Variants in CCNI observed in about 807,000 individuals in gnomAD.
CCNI encodes the protein cyclin I, also known as cyclin-I.
A neutral mutation model predicts 34.1 loss-of-function variants in CCNI; 14 were observed. That is an observed-to-expected ratio of 0.41 (90% CI 0.27 to 0.64). The LOEUF (loss-of-function observed/expected upper bound fraction) is 0.64. Among genes scored for constraint, CCNI ranks in the 30% least tolerant of loss-of-function variants. The probability of loss-of-function intolerance (pLI) is 0.31; values close to 1 mark genes in which losing one functional copy is unlikely to be tolerated. For synonymous variants in CCNI, 154 were observed against 158.4 expected, an observed-to-expected ratio of 0.97 and a Z score of 0.21; for missense variants, 385 against 440.5, an observed-to-expected ratio of 0.87 and a Z score of 1.13.
At chr4:77,058,229 T>G (rs796350230) in intron 3 of CCNI, among the ~76,000 whole-genome samples, 70 of 152,238 alleles carry the variant, frequency 4.6e-4, no homozygotes, top group African/African-American at 1.7e-3. Context: ...GTGGCACGTG[T>G]CTGCAGTCCC....
chr4:77,071,241 A>G (rs1021410375), intron 1 of CCNI, among the ~76,000 whole-genome samples: 3 of 152,366 alleles, frequency 2.0e-5, no homozygotes, highest in South Asian at 4.1e-4. Context: ...ATATTGTAAT[A>G]ACTTTTTTTA....
chr4:77,051,476 G>A (rs1727830382), intron 6 of CCNI, among the ~76,000 whole-genome samples: 1 of 150,814 alleles, frequency 6.6e-6, no homozygotes, highest in African/African-American at 2.5e-5. Context: ...TTAGCGGTGG[G>A]AGACTGACAA....
intron 1 of CCNI, among the ~76,000 whole-genome samples, chr4:77,067,176 G>A (rs1729094541): frequency 1.3e-5 from 2 of 151,858 alleles, no homozygotes; most frequent in African/African-American, 4.8e-5. Context: ...AGGTTGCAGT[G>A]AGCTGAGATC....
intron 2 of CCNI, among the ~76,000 whole-genome samples, chr4:77,062,049 G>C (rs1728643799): frequency 1.3e-5 from 2 of 152,068 alleles, no homozygotes; most frequent in African/African-American, 4.8e-5. Context: ...TTCTACTGAT[G>C]ATCCTTCCTT....
chr4:77,057,171 TCTC>T (rs1728301460), intron 3 of CCNI, among the ~76,000 whole-genome samples: 1 of 141,214 alleles, frequency 7.1e-6, no homozygotes, highest in Non-Finnish European at 1.6e-5. Context: ...CCTCCCTCCC[TCTC>T]TACTACATCT....
chr4:77,069,439 ATAT>A (rs1363744892), intron 1 of CCNI, among the ~76,000 whole-genome samples: 2 of 143,270 alleles, frequency 1.4e-5, no homozygotes, highest in South Asian at 2.2e-4. Flanking sequence ...TTATATATAT[ATAT>A]TTTTTTTATT....
chr4:77,050,090 C>T (rs1164839793), intron 6 of CCNI, among the ~76,000 whole-genome samples: 2 of 152,154 alleles, frequency 1.3e-5, no homozygotes, highest in South Asian at 2.1e-4. Context: ...TTGTGGTCTA[C>T]ACTCTTGCTC....
intron 1 of CCNI, among the ~76,000 whole-genome samples, chr4:77,067,284 T>G (rs1412981722): frequency 6.6e-6 from 1 of 152,098 alleles, no homozygotes; most frequent in Non-Finnish European, 1.5e-5. Context: ...ACAATAGCCT[T>G]ACTTCAATAA....
chr4:77,072,328 G>A (rs752040995), intron 1 of CCNI, among the ~76,000 whole-genome samples: 1 of 151,318 alleles, frequency 6.6e-6, no homozygotes, highest in South Asian at 2.1e-4. Context: ...TTTAAAAACA[G>A]GACAGAAGGC....
At chr4:77,057,027 G>T (rs4252883) in intron 3 of CCNI, among the ~76,000 whole-genome samples, 1 of 152,126 alleles carries the variant, frequency 6.6e-6, no homozygotes, top group Admixed American at 6.5e-5. Context: ...GCTTGATTTA[G>T]AAGTTTTTAA....
chr4:77,075,642 G>GGGGCGC lies in CCNI; in HGVS notation c.-220_-215dup, dbSNP rs147494324. On this transcript the variant is annotated 5_prime_UTR_variant, in exon 1 of 7. Transcript: ENST00000237654. ...GAGGGAGAAAGGGGAAGCGGATCGG[G>GGGGCGC]GGGCGCGGGCGCGGGCGCTGGCGCT... is the stretch of plus-strand genomic sequence containing the variant. The GGGGCGC allele has an allele frequency of 0.018, 15,523 of 874,340 alleles. 241 individuals are homozygous for GGGGCGC. The highest frequency in any genetic ancestry group is 0.026 in the African/African-American group (1,421 of 54,256). 54.2% of individuals were successfully genotyped at this position (874,340 alleles called of 1,614,324 possible). A position where few individuals can be genotyped will look rare whatever the true frequency, so the allele number is the denominator to read the frequency against.
At chr4:77,067,464 T>TA (rs1305078939) in intron 1 of CCNI, among the ~76,000 whole-genome samples, 1 of 151,994 alleles carries the variant, frequency 6.6e-6, no homozygotes, top group African/African-American at 2.4e-5. Flanking sequence ...CAAGACAACA[T>TA]AGAGTCCAAG....
chr4:77,075,384 G>GGCGGCGCGGGGGGAGCAGCGGGGCC (rs1729836727), intron 1 of CCNI, 88 bp downstream of exon 1: 1 of 423,610 alleles, frequency 2.4e-6, no homozygotes, highest in South Asian at 9.7e-5. Context: ...CTGCCACGGG[G>GGCGGCGCGGGGGGAGCAGCGGGGCC]GCGGCGCGGG....
rs138207108 is a variant in CCNI, at chr4:77,047,408, A to G, written c.*811T>C. The stretch of plus-strand genomic sequence containing the variant: ...CCCCAACATCTAGACAGTCTCTCCT[A>G]CTGATTATAAATGAGTGAAAACTAT... On this transcript the variant is annotated 3_prime_UTR_variant, in exon 7 of 7. Coordinates refer to ENST00000237654, the MANE Select transcript of CCNI (RefSeq NM_006835.3). The G allele has an allele frequency of 6.6e-6, 1 of 152,326 alleles. No individual in the cohort carries two copies. The highest frequency in any genetic ancestry group is 1.9e-4 in the East Asian group (1 of 5,178). 9.4% of individuals were successfully genotyped at this position (152,326 alleles called of 1,614,324 possible). A position where few individuals can be genotyped will look rare whatever the true frequency, so the allele number is the denominator to read the frequency against.
intron 6 of CCNI, among the ~76,000 whole-genome samples, chr4:77,053,149 T>A (rs987066425): frequency 1.3e-5 from 2 of 152,312 alleles, no homozygotes; most frequent in Middle Eastern, 3.4e-3. Flanking sequence ...TATAGCTCCG[T>A]TCTTCTATTC....
chr4:77,065,945 C>CA (rs1197755817), intron 2 of CCNI, among the ~76,000 whole-genome samples: 1 of 152,204 alleles, frequency 6.6e-6, no homozygotes, highest in Admixed American at 6.5e-5. Context: ...ACCAAAAATA[C>CA]AAAAAATTAG....
chr4:77,073,244 C>T (rs4252786), intron 1 of CCNI, among the ~76,000 whole-genome samples: 86,623 of 151,952 alleles, frequency 0.57, 26,636 homozygotes, highest in African/African-American at 0.8. Context: ...CAATTGCTGC[C>T]GCTTCTCCTT....
In CCNI at chr4:77,048,671, G is replaced by T; in HGVS notation, c.691-9C>A. 6.7e-7 allele frequency: 1 copy of T among 1,489,654 alleles called. No homozygotes were observed. Among genetic ancestry groups the T allele is most frequent in the South Asian group, 1.4e-5 (1 of 70,432 alleles). The allele number at this position is 1,489,654 out of a possible 1,614,324, so 92.3% of individuals were successfully genotyped here. A position where few individuals can be genotyped will look rare whatever the true frequency, so the allele number is the denominator to read the frequency against. On this transcript the variant is annotated splice_polypyrimidine_tract_variant and intron_variant, in intron 6 of 6. Transcript: ENST00000237654. ...AACTGGGAGCTATCCATCTGGGCCA[G>T]GAAAAAAAAAAAGCCACACACAGTT...
At chr4:77,055,885 G>A in intron 5 of CCNI, 77 bp downstream of exon 5, 1 of 1,197,174 alleles carries the variant, frequency 8.4e-7, no homozygotes, top group Middle Eastern at 2.9e-4. Flanking sequence ...CAAAATAAAT[G>A]AGTAGGCAAT....
Sources: gnomAD v4.1 joint callset for allele counts (sites outside exome capture counted in the v4.1 genomes callset) on GRCh38, gnomAD v4.1.1 for gene constraint, MANE v1.5 for transcripts, NCBI Gene and HGNC (gene_info 2026-07-23, HGNC 2026-07-21) for gene names.